Variants in ATF6 observed in about 807,000 individuals in gnomAD.
ATF6 encodes activating transcription factor 6.
Under a neutral mutation model 83.6 loss-of-function variants are expected in ATF6, and 53 were observed. The ratio of observed to expected loss-of-function variants is 0.63; its 90% CI spans 0.51 to 0.80. The LOEUF (loss-of-function observed/expected upper bound fraction) is 0.80, where lower values mean the gene tolerates loss of function less well. Ranked by LOEUF, ATF6 falls within the 30% of genes least tolerant of loss-of-function variation. The pLI is 0.00. For synonymous variants in ATF6, 288 were observed against 285.8 expected (o/e 1.01, Z -0.08); for missense variants, 744 against 797.9 (o/e 0.93, Z 0.81).
intron 12 of ATF6, among the ~76,000 whole-genome samples, chr1:161,854,188 G>C (rs1686705192): frequency 6.6e-6 from 1 of 152,170 alleles, no homozygotes; most frequent in Admixed American, 6.5e-5. Flanking sequence ...AATGCTAGCT[G>C]TTATAACAGC....
At chr1:161,827,887 A>G (rs1024851735) in intron 9 of ATF6, among the ~76,000 whole-genome samples, 1 of 152,136 alleles carries the variant, frequency 6.6e-6, no homozygotes, top group East Asian at 1.9e-4. Flanking sequence ...GACCTTATCG[A>G]TATTTTGTGG....
chr1:161,851,941 C>G, intron 11 of ATF6, 106 bp downstream of exon 11: 2 of 803,010 alleles, frequency 2.5e-6, no homozygotes, highest in Non-Finnish European at 4.1e-6. Context: ...GAGAGAATCT[C>G]TGAATTATTT....
At chr1:161,898,803 C>G (rs1484461003) in intron 14 of ATF6, among the ~76,000 whole-genome samples, 2 of 152,214 alleles carry the variant, frequency 1.3e-5, no homozygotes, top group African/African-American at 4.8e-5. Flanking sequence ...CCACCTCGGC[C>G]TCCCAAGGTG....
At chr1:161,830,264 A>G (rs1484755923) in intron 9 of ATF6, among the ~76,000 whole-genome samples, 1 of 152,250 alleles carries the variant, frequency 6.6e-6, no homozygotes, top group Admixed American at 6.5e-5. Flanking sequence ...CTCTTCAAGG[A>G]CAACTACAAA....
At chr1:161,896,766 T>C (rs1025012060) in intron 14 of ATF6, among the ~76,000 whole-genome samples, 2 of 152,218 alleles carry the variant, frequency 1.3e-5, no homozygotes, top group African/African-American at 2.4e-5. Flanking sequence ...ATTTAGAATT[T>C]CTTAAATAAA....
chr1:161,877,411 G>A (rs1157764998), intron 14 of ATF6, among the ~76,000 whole-genome samples: 1 of 152,096 alleles, frequency 6.6e-6, no homozygotes, highest in Non-Finnish European at 1.5e-5. Context: ...CTCAAACATG[G>A]GGGGAATTCA....
At chr1:161,855,587 A>G (rs1408611375) in intron 12 of ATF6, among the ~76,000 whole-genome samples, 1 of 152,142 alleles carries the variant, frequency 6.6e-6, no homozygotes, top group Non-Finnish European at 1.5e-5. Flanking sequence ...ATAAAGAGGA[A>G]AGAAAACAGA....
intron 10 of ATF6, among the ~76,000 whole-genome samples, chr1:161,848,958 T>G (rs1196171814): frequency 6.6e-6 from 1 of 151,988 alleles, no homozygotes. Flanking sequence ...CCAAAGAATA[T>G]TTTTGGCTGA....
intron 11 of ATF6, among the ~76,000 whole-genome samples, 168 bp from the exon 12 acceptor site, chr1:161,853,056 C>A (rs1376543200): frequency 6.6e-6 from 1 of 152,136 alleles, no homozygotes; most frequent in Non-Finnish European, 1.5e-5. Flanking sequence ...TTAAAAACAA[C>A]GTTAAGTGTC....
intron 4 of ATF6, among the ~76,000 whole-genome samples, chr1:161,790,152 A>G (rs1257335738): frequency 2.0e-5 from 3 of 152,040 alleles, no homozygotes; most frequent in African/African-American, 7.2e-5. Flanking sequence ...TTTATGGTCT[A>G]GTTTTTATTG....
intron 7 of ATF6, among the ~76,000 whole-genome samples, chr1:161,816,088 T>C (rs896858180): frequency 2.0e-5 from 3 of 152,278 alleles, no homozygotes; most frequent in Non-Finnish European, 4.4e-5. Flanking sequence ...AAGTGTTTAC[T>C]AAGTGAAATA....
chr1:161,959,312 T>C lies in ATF6; in HGVS notation c.*658T>C, dbSNP rs1000801572. ...AAGGGGGTCAGGGAGTGGGTACAAA[T>C]TTGAGAAAATAGAAGGGTAAGGGAA... On this transcript the variant is annotated 3_prime_UTR_variant, in exon 16 of 16. Transcript: ENST00000367942. 1.3e-5 allele frequency: 2 copies of C among 152,086 alleles called. No individual in the cohort carries two copies. Among genetic ancestry groups the C allele is most frequent in the Non-Finnish European group, 1.5e-5 (1 of 68,024 alleles). The allele number at this position is 152,086 out of a possible 1,614,324, so 9.4% of individuals were successfully genotyped here. A position where few individuals can be genotyped will look rare whatever the true frequency, so the allele number is the denominator to read the frequency against.
intron 15 of ATF6, among the ~76,000 whole-genome samples, chr1:161,935,739 GGAAA>G (rs1433794769): frequency 2.0e-5 from 3 of 152,152 alleles, no homozygotes; most frequent in African/African-American, 7.2e-5. Flanking sequence ...TGAGACTGTA[GGAAA>G]GAATGATTTA....
At chr1:161,768,299 A>G (rs1459250930) in intron 1 of ATF6, among the ~76,000 whole-genome samples, 1 of 152,208 alleles carries the variant, frequency 6.6e-6, no homozygotes, top group Non-Finnish European at 1.5e-5. Flanking sequence ...CTTTGTAGTC[A>G]GTTCACCGAC....
intron 9 of ATF6, among the ~76,000 whole-genome samples, chr1:161,831,081 A>T (rs1259933886): frequency 2.6e-5 from 4 of 152,118 alleles, no homozygotes; most frequent in Non-Finnish European, 5.9e-5. Flanking sequence ...GAATCTACAA[A>T]GAACTCAAAC....
chr1:161,901,446 A>G (rs926044158), intron 14 of ATF6, among the ~76,000 whole-genome samples: 3 of 151,922 alleles, frequency 2.0e-5, no homozygotes, highest in Admixed American at 1.3e-4. Context: ...AAAAACAATT[A>G]AAATTTTAAA....
intron 2 of ATF6, among the ~76,000 whole-genome samples, chr1:161,781,225 C>T (rs975292085): frequency 6.6e-6 from 1 of 152,042 alleles, no homozygotes; most frequent in East Asian, 1.9e-4. Context: ...GAAAAACCAC[C>T]TAAATGAAAA....
chr1:161,878,289 T>C (rs61174548), intron 14 of ATF6, among the ~76,000 whole-genome samples: 21,506 of 151,868 alleles, frequency 0.14, 2,083 homozygotes, highest in East Asian at 0.31. Flanking sequence ...AATTTTTGTA[T>C]GTTTTAGTAG....
chr1:161,792,026 A>T, intron 5 of ATF6, 98 bp from the exon 6 acceptor site: 1 of 1,000,196 alleles, frequency 1.0e-6, no homozygotes, highest in Non-Finnish European at 1.5e-6. Context: ...AATCGAAGTT[A>T]AGATAATGTG....
Sources: allele counts gnomAD v4.1 joint callset (sites outside exome capture counted in the v4.1 genomes callset), GRCh38; gene constraint gnomAD v4.1.1; transcripts MANE v1.5; gene names NCBI Gene and HGNC (gene_info 2026-07-23, HGNC 2026-07-21).